Variants in C8orf34 observed in about 807,000 individuals in gnomAD.
C8orf34 encodes the protein chromosome 8 open reading frame 34, also known as uncharacterized protein C8orf34.
Under a neutral mutation model 68.3 loss-of-function variants are expected in C8orf34, and 65 were observed. The observed-to-expected ratio is 0.95, with a 90% confidence interval of 0.78 to 1.17. The LOEUF (loss-of-function observed/expected upper bound fraction) is 1.17. Among genes scored for constraint, C8orf34 ranks in the 50% most tolerant of loss-of-function variants. C8orf34 has a pLI of 0.00. For missense variants in C8orf34, 664 were observed against 655.4 expected (o/e 1.01, Z -0.14); for synonymous variants, 244 against 241.2 (o/e 1.01, Z -0.11).
chr8:68,650,912 A>G (rs1027324636), intron 8 of C8orf34, among the ~76,000 whole-genome samples: 1 of 152,168 alleles, frequency 6.6e-6, no homozygotes, highest in Non-Finnish European at 1.5e-5. Flanking sequence ...GCCCTGTTCT[A>G]TTGGCACAGC....
At chr8:68,566,605 A>T (rs973830672) in intron 7 of C8orf34, among the ~76,000 whole-genome samples, 2 of 152,196 alleles carry the variant, frequency 1.3e-5, no homozygotes, top group African/African-American at 4.8e-5. Context: ...CTGCTTCCTC[A>T]TAGAATTGAA....
chr8:68,802,274 A>AT (rs2129529610), intron 12 of C8orf34, among the ~76,000 whole-genome samples: 1 of 151,448 alleles, frequency 6.6e-6, no homozygotes, highest in South Asian at 2.1e-4. Flanking sequence ...CTAATTTTGT[A>AT]TTTTTAGTAG....
intron 3 of C8orf34, among the ~76,000 whole-genome samples, chr8:68,452,119 C>T (rs1811370542): frequency 1.3e-5 from 2 of 151,858 alleles, no homozygotes; most frequent in Admixed American, 1.3e-4. Flanking sequence ...CATTCATCTG[C>T]TGATGGGTAT....
rs188796139 is a variant in C8orf34 at position 68,417,270 on chromosome 8, A to T, written c.328-22229A>T. 2.5e-3 allele frequency among the ~76,000 whole-genome samples: 384 copies of T among 152,242 alleles called. 3 individuals are homozygous for T. The highest frequency in any genetic ancestry group is 8.9e-3 in the African/African-American group (371 of 41,548). On this transcript the variant is annotated intron_variant, in intron 1 of 13. Coordinates refer to ENST00000518698, the MANE Select transcript of C8orf34 (RefSeq NM_052958.4). The stretch of plus-strand genomic sequence containing the variant: ...TTCTCATATACTCTTTTTAAATTAA[A>T]TTTTAAGTTTACTTTTAAGTCTCCA...
intron 8 of C8orf34, among the ~76,000 whole-genome samples, chr8:68,641,949 G>C (rs184765771): frequency 6.6e-6 from 1 of 152,224 alleles, no homozygotes; most frequent in Admixed American, 6.5e-5. Context: ...CCACATACTA[G>C]TCTAAAGACA....
chr8:68,794,890 A>G (rs548975193), intron 12 of C8orf34, among the ~76,000 whole-genome samples: 1 of 152,258 alleles, frequency 6.6e-6, no homozygotes, highest in Non-Finnish European at 1.5e-5. Context: ...TCAATGCTCA[A>G]AATGTTTTAG....
At chr8:68,629,879 T>C (rs1004253792) in intron 7 of C8orf34, among the ~76,000 whole-genome samples, 1 of 151,888 alleles carries the variant, frequency 6.6e-6, no homozygotes. Flanking sequence ...GTGTACAAAG[T>C]GAAGTAATGA....
intron 8 of C8orf34, among the ~76,000 whole-genome samples, chr8:68,705,062 T>G (rs367778382): frequency 6.6e-6 from 1 of 152,112 alleles, no homozygotes; most frequent in African/African-American, 2.4e-5. Flanking sequence ...CTTTAAGAAG[T>G]AGATTCAGCA....
intron 8 of C8orf34, among the ~76,000 whole-genome samples, chr8:68,660,740 C>T (rs968683655): frequency 1.3e-5 from 2 of 152,100 alleles, no homozygotes; most frequent in African/African-American, 4.8e-5. Context: ...CTCATTAAGT[C>T]CCAAGTGGCC....
At chr8:68,771,991 C>A (rs750348966) in intron 10 of C8orf34, among the ~76,000 whole-genome samples, 4 of 152,128 alleles carry the variant, frequency 2.6e-5, no homozygotes, top group African/African-American at 7.2e-5. Flanking sequence ...TTAATAAATA[C>A]CTATGGAAAA....
chr8:68,396,073 A>C (rs1808691836), intron 1 of C8orf34, among the ~76,000 whole-genome samples: 1 of 152,052 alleles, frequency 6.6e-6, no homozygotes, highest in African/African-American at 2.4e-5. Flanking sequence ...ACAGTTATTA[A>C]AGAAAATAAA....
chr8:68,456,841 T>A (rs1811574999), intron 3 of C8orf34, among the ~76,000 whole-genome samples: 1 of 152,210 alleles, frequency 6.6e-6, no homozygotes, highest in Non-Finnish European at 1.5e-5. Flanking sequence ...TAGTTATGTG[T>A]CATAGATAAG....
chr8:68,544,831 A>G (rs537737614), intron 7 of C8orf34, among the ~76,000 whole-genome samples: 77 of 152,292 alleles, frequency 5.1e-4, no homozygotes, highest in African/African-American at 1.8e-3. Flanking sequence ...AAGATACGTC[A>G]ACAGAAATAA....
intron 7 of C8orf34, among the ~76,000 whole-genome samples, chr8:68,568,984 A>G (rs2130245228): frequency 6.6e-6 from 1 of 152,346 alleles, no homozygotes; most frequent in South Asian, 2.1e-4. Context: ...TATTTCAAAA[A>G]CAGACATTGG....
At chr8:68,367,801 ATGACGAGTTAGTGGG>A (rs1807350194) in intron 1 of C8orf34, among the ~76,000 whole-genome samples, 1 of 138,732 alleles carries the variant, frequency 7.2e-6, no homozygotes, top group South Asian at 2.6e-4. Flanking sequence ...CTAATGCTAG[ATGACGAGTTAGTGGG>A]TGCAGCGCAC....
rs116336204 is a variant in C8orf34 at position 68,441,284 on chromosome 8, T to G, written c.475+1638T>G. ...AATCTGCTTCCAAGCTCATTTGGGT[T>G]GTTGGCAGAACTAATTTTCTGCAGC... is the stretch of plus-strand genomic sequence containing the variant. On this transcript the variant is annotated intron_variant, in intron 2 of 13. Transcript: ENST00000518698. 7.6e-3 allele frequency among the ~76,000 whole-genome samples: 1,162 copies of G among 152,256 alleles called. 15 individuals are homozygous for G. Among genetic ancestry groups the G allele is most frequent in the African/African-American group, 0.025 (1,057 of 41,550 alleles).
intron 1 of C8orf34, among the ~76,000 whole-genome samples, chr8:68,425,899 A>G (rs946991693): frequency 7.9e-5 from 12 of 152,168 alleles, no homozygotes; most frequent in Admixed American, 6.5e-5. Context: ...TTTGACAAAG[A>G]CACAAAAGTA....
intron 1 of C8orf34, among the ~76,000 whole-genome samples, chr8:68,434,589 A>G (rs905819319): frequency 6.6e-6 from 1 of 152,168 alleles, no homozygotes; most frequent in African/African-American, 2.4e-5. Context: ...GCTATCGTAA[A>G]TAGTGCTGTA....
chr8:68,808,057 T>C (rs1362166517), intron 12 of C8orf34, among the ~76,000 whole-genome samples: 2 of 152,210 alleles, frequency 1.3e-5, no homozygotes, highest in Admixed American at 1.3e-4. Flanking sequence ...CTCTCTGGAA[T>C]TGGTAGATAC....
Sources: gnomAD v4.1 joint callset for allele counts (sites outside exome capture counted in the v4.1 genomes callset) on GRCh38, gnomAD v4.1.1 for gene constraint, MANE v1.5 for transcripts, NCBI Gene and HGNC (gene_info 2026-07-23, HGNC 2026-07-21) for gene names.